The following UBN2 variants were observed in gnomAD, a reference collection of about 807,000 sequenced individuals.
UBN2 encodes ubinuclein 2.
In UBN2, 35 loss-of-function variants were observed where a neutral mutation model predicts 120.2. The observed-to-expected ratio is 0.29, with a 90% CI of 0.22 to 0.39. UBN2 has a LOEUF of 0.39. Ranked by LOEUF, UBN2 falls within the 10% of genes least tolerant of loss-of-function variation. UBN2 has a pLI of 1.00. For missense variants in UBN2, 1,693 were observed against 1,663.2 expected, an observed-to-expected ratio of 1.02 and a Z score of -0.31; for synonymous variants, 661 against 648.7, an observed-to-expected ratio of 1.02 and a Z score of -0.29.
the UBN2 span, among the ~76,000 whole-genome samples, chr7:139,326,463 A>G: frequency 1.3e-5 from 2 of 152,200 alleles, no homozygotes; most frequent in Admixed American, 1.3e-4. Context: ...TCCCCATAGA[A>G]CACATCACCC....
chr7:139,303,791 A>C lies in UBN2; in HGVS notation c.*5955A>C. ...ATCACTGGAATTTTAATTTAGATACATATTTGTTATTTAAACATTATCTTT... is the reference window on the plus strand; with the variant it reads ...ATCACTGGAATTTTAATTTAGATACCTATTTGTTATTTAAACATTATCTTT... On this transcript the variant is annotated 3_prime_UTR_variant, in exon 18 of 18. Transcript: ENST00000473989. 1 of 152,210 alleles carries C rather than the reference A, an allele frequency of 6.6e-6. No homozygotes were observed. The highest frequency in any genetic ancestry group is 1.9e-4 in the East Asian group (1 of 5,198). 9.4% of individuals were successfully genotyped at this position (152,210 alleles called of 1,614,324 possible).
At chr7:139,325,468 C>T in the UBN2 span, among the ~76,000 whole-genome samples, 1 of 151,962 alleles carries the variant, frequency 6.6e-6, no homozygotes, top group African/African-American at 2.4e-5. Context: ...AGGGTTTCAC[C>T]ATGTTGGCCA....
chr7:139,261,740 T>C lies in UBN2; in HGVS notation c.1394T>C (p.Val465Ala). Residue 465 changes from valine to alanine, a missense_variant and splice_region_variant, in exon 6 of 18, where the codon GTA becomes GCA. Physicochemically the swap from Val to Ala is moderately conservative, Grantham distance 64. Coordinates refer to ENST00000473989, the MANE Select transcript of UBN2 (RefSeq NM_173569.4). ...GAAAAACGTATCGAAGACCTTCGTG[T>C]AGTAAGTGTAATAATTCTCTTGCTT... ...LLEKRIEDLR[V>A]AAKLFDEEGR... The C allele has an allele frequency of 6.2e-7, 1 of 1,607,720 alleles. No homozygotes were observed. The highest frequency in any genetic ancestry group is 8.5e-7 in the Non-Finnish European group (1 of 1,175,170).
rs1166041673 is a variant in UBN2, at chr7:139,299,444, C to T, written c.*1608C>T. 6.6e-6 allele frequency: 1 copy of T among 152,140 alleles called. No homozygotes were observed. The highest frequency in any genetic ancestry group is 1.5e-5 in the Non-Finnish European group (1 of 68,012). The allele number at this position is 152,140 out of a possible 1,614,324, so 9.4% of individuals were successfully genotyped here. A position where few individuals can be genotyped will look rare whatever the true frequency, so the allele number is the denominator to read the frequency against. On this transcript the variant is annotated 3_prime_UTR_variant, in exon 18 of 18. Coordinates refer to ENST00000473989, the MANE Select transcript of UBN2 (RefSeq NM_173569.4). The stretch of plus-strand genomic sequence containing the variant: ...CAAAAGTCCCAGATACCCTACAGGA[C>T]TGTGAATAAATAACCACAGATCGGT...
intron 15 of UBN2, among the ~76,000 whole-genome samples, chr7:139,291,360 CAAAAAAA>C (rs774759708): frequency 2.3e-5 from 1 of 43,426 alleles, no homozygotes; most frequent in African/African-American, 8.3e-5. Flanking sequence ...GACTCTGTCT[CAAAAAAA>C]AAAAAAAAAA....
In UBN2 at chr7:139,298,041, T is replaced by G. The variant is rs150928405; in HGVS notation, c.*205T>G. 3 of 568,316 alleles carry G rather than the reference T, an allele frequency of 5.3e-6. No individual in the cohort carries two copies. Among genetic ancestry groups the G allele is most frequent in the Non-Finnish European group, 6.2e-6 (2 of 320,892 alleles). The allele number at this position is 568,316 out of a possible 1,614,324, so 35.2% of individuals were successfully genotyped here. A position where few individuals can be genotyped will look rare whatever the true frequency, so the allele number is the denominator to read the frequency against. On this transcript the variant is annotated 3_prime_UTR_variant, in exon 18 of 18. Coordinates refer to ENST00000473989, the MANE Select transcript of UBN2 (RefSeq NM_173569.4). ...AGGAAGAAATGCTTTTGTGCAAAGT[T>G]AGTGACCTTTGGTCTCTTCTAAAGA...
At chr7:139,253,471 T>C (rs1279247257) in intron 3 of UBN2, among the ~76,000 whole-genome samples, 3 of 152,248 alleles carry the variant, frequency 2.0e-5, no homozygotes, top group Non-Finnish European at 4.4e-5. Flanking sequence ...ATCTTAAAGA[T>C]TGGTGCTACT....
chr7:139,239,551 CTTTTTTTTTTTT>C (rs774812960), intron 2 of UBN2, among the ~76,000 whole-genome samples: 1 of 94,580 alleles, frequency 1.1e-5, no homozygotes, highest in Admixed American at 1.3e-4. Context: ...ATTAGAGTGT[CTTTTTTTTTTTT>C]TTTTTTTTTT....
At chr7:139,249,566 A>G (rs540211440) in intron 2 of UBN2, among the ~76,000 whole-genome samples, 2 of 152,366 alleles carry the variant, frequency 1.3e-5, no homozygotes, top group East Asian at 1.9e-4. Context: ...ATTGAGAGGT[A>G]TGCGGTTTGA....
intron 9 of UBN2, among the ~76,000 whole-genome samples, chr7:139,272,766 A>T (rs530979160): frequency 5.9e-5 from 9 of 152,278 alleles, no homozygotes; most frequent in African/African-American, 2.2e-4. Flanking sequence ...ACCTCAGGTG[A>T]TCCAGCTGCC....
In UBN2 at chr7:139,284,464, AGTCT is replaced by A; in HGVS notation, c.3565_3568del (p.Ser1189GlyfsTer29). On this transcript the variant is annotated frameshift_variant, in exon 15 of 18. Transcript: ENST00000473989. LOFTEE classifies it high-confidence loss of function. The stretch of plus-strand genomic sequence containing the variant: ...TAACTCAAGCGGAGCTAATAGGACT[AGTCT>A]GTCTGGGGGAACAGGAAGTGGAACA... 1 of 1,614,216 alleles carries A rather than the reference AGTCT, an allele frequency of 6.2e-7. No individual in the cohort carries two copies. The highest frequency in any genetic ancestry group is 1.3e-5 in the African/African-American group (1 of 75,060).
intron 17 of UBN2, among the ~76,000 whole-genome samples, chr7:139,294,674 C>CT (rs545153745): frequency 1.3e-5 from 2 of 152,156 alleles, no homozygotes; most frequent in Non-Finnish European, 2.9e-5. Flanking sequence ...AACCCCGTCT[C>CT]TATTAAAAAT....
At chr7:139,329,436 T>A in the UBN2 span, among the ~76,000 whole-genome samples, 1 of 152,080 alleles carries the variant, frequency 6.6e-6, no homozygotes, top group African/African-American at 2.4e-5. Flanking sequence ...AACTTGTGAA[T>A]CAGAATTTCT....
the UBN2 span, among the ~76,000 whole-genome samples, chr7:139,326,041 A>G: frequency 1.3e-5 from 2 of 151,414 alleles, no homozygotes; most frequent in Admixed American, 6.6e-5. Flanking sequence ...AAGTACAAAA[A>G]TTAGCCAGTT....
rs1172226423 is a variant in UBN2 at position 139,284,248 on chromosome 7, A to G, written c.3343A>G (p.Ser1115Gly). 1.2e-6 allele frequency: 2 copies of G among 1,614,174 alleles called. No homozygotes were observed. Among genetic ancestry groups the G allele is most frequent in the Non-Finnish European group, 1.7e-6 (2 of 1,180,020 alleles). The change falls in exon 15 of 18, where the codon AGT (serine) becomes GGT (glycine). Residue 1115 changes from serine to glycine, a missense_variant. Physicochemically the swap from Ser to Gly is moderately conservative, Grantham distance 56. Transcript: ENST00000473989. The part of the protein sequence containing the change: ...STNSPVHKQP[S>G]GMNISRQSPT... ...TAACAGCCCAGTCCATAAACAGCCC[A>G]GTGGAATGAACATCAGCAGACAGTC...
chr7:139,273,491 A>G (rs1188271090), intron 10 of UBN2, 81 bp downstream of exon 10: 6 of 996,874 alleles, frequency 6.0e-6, no homozygotes, highest in Non-Finnish European at 8.5e-6. Context: ...TAATAAATAT[A>G]AAACTAGATT....
At position 139,246,201 on chromosome 7, in the gene UBN2, C is replaced by T. The variant is rs563733247; in HGVS notation, c.562-5755C>T. Among the ~76,000 whole-genome samples the T allele has an allele frequency of 3.9e-4, 60 of 152,208 alleles. 1 individual carries two copies. Among genetic ancestry groups the T allele is most frequent in the Middle Eastern group, 3.4e-3 (1 of 294 alleles). ...CCAACATGGTGAAACCCTGCCTCTA[C>T]TAAAAATACAAAAATTAGCTGGGTG... On this transcript the variant is annotated intron_variant, in intron 2 of 17. Coordinates refer to ENST00000473989, the MANE Select transcript of UBN2 (RefSeq NM_173569.4).
Position 139,283,761 on chromosome 7 carries a change from C to G in UBN2, c.2856C>G (p.Thr952=). Residue 952 remains threonine (T), a synonymous_variant, in exon 15 of 18, where the codon ACC becomes ACG. Transcript: ENST00000473989. Reference sequence around the variant, plus strand: ...AGGCCACCATCAGTAAATCCCAGACCAACCCCGTCGTGAAGTTAAGTAATA... The same window carrying G: ...AGGCCACCATCAGTAAATCCCAGACGAACCCCGTCGTGAAGTTAAGTAATA... ...PLQATISKSQ[T]NPVVKLSNNP... is the part of the protein sequence containing the mutation. The G allele has an allele frequency of 6.2e-7, 1 of 1,613,798 alleles. No homozygotes were observed. The highest frequency in any genetic ancestry group is 2.2e-5 in the East Asian group (1 of 44,880).
chr7:139,316,580 C>G, the UBN2 span, among the ~76,000 whole-genome samples: 2 of 152,110 alleles, frequency 1.3e-5, no homozygotes, highest in African/African-American at 4.8e-5. Context: ...CCTGTCTCTA[C>G]TACAAATACA....
Sources: allele counts gnomAD v4.1 joint callset (sites outside exome capture counted in the v4.1 genomes callset), GRCh38; gene constraint gnomAD v4.1.1; transcripts MANE v1.5; gene names NCBI Gene and HGNC (gene_info 2026-07-23, HGNC 2026-07-21).